The following GSDME variants were observed in gnomAD, a reference collection of about 807,000 sequenced individuals.
The protein encoded by GSDME is gasdermin-E.
GSDME carries 44 observed loss-of-function variants against 47.5 expected under a neutral mutation model. The ratio of observed to expected loss-of-function variants is 0.93; its 90% CI spans 0.73 to 1.19. The LOEUF is 1.19. Among genes scored for constraint, GSDME ranks in the 50% most tolerant of loss-of-function variants. The pLI, the probability that GSDME is intolerant of heterozygous loss-of-function variation, is 0.00. For missense variants in GSDME, 663 were observed against 604.2 expected (o/e 1.10, Z -1.02); for synonymous variants, 258 against 252.8 (o/e 1.02, Z -0.20).
At chr7:24,793,942 G>A in the GSDME span, among the ~76,000 whole-genome samples, 1 of 152,224 alleles carries the variant, frequency 6.6e-6, no homozygotes, top group Non-Finnish European at 1.5e-5. Context: ...ACTGGGTTAA[G>A]GAATTTTGAT....
At chr7:24,737,538 T>C (rs1227044333) in intron 3 of GSDME, among the ~76,000 whole-genome samples, 4 of 151,910 alleles carry the variant, frequency 2.6e-5, no homozygotes, top group Admixed American at 6.6e-5. Flanking sequence ...AACAAAAACC[T>C]GATGGCTTCA....
the GSDME span, among the ~76,000 whole-genome samples, chr7:24,791,666 A>G: frequency 6.6e-6 from 1 of 152,170 alleles, no homozygotes. This position sits in a 1 kb window ranked among gnomAD's most constrained non-coding sequence, Gnocchi z 4.8. Flanking sequence ...CTGGTTGATG[A>G]AATGCCAGGG....
At chr7:24,778,579 T>A in the GSDME span, among the ~76,000 whole-genome samples, 1,506 of 152,240 alleles carry the variant, frequency 9.9e-3, 20 homozygotes, top group African/African-American at 0.034. The surrounding 1 kb of genome is among the most constrained non-coding windows in gnomAD (Gnocchi z 5.6). Flanking sequence ...GCCCCAGGTG[T>A]TGGGTTCCAG....
At chr7:24,767,389 G>T in the GSDME span, among the ~76,000 whole-genome samples, 1 of 152,102 alleles carries the variant, frequency 6.6e-6, no homozygotes, top group Non-Finnish European at 1.5e-5. This position sits in a 1 kb window ranked among gnomAD's most constrained non-coding sequence, Gnocchi z 5.3. Flanking sequence ...AACATAATGA[G>T]CACATGTACC....
chr7:24,762,102 A>G (rs1341822264), upstream of GSDME, among the ~76,000 whole-genome samples: 2 of 152,088 alleles, frequency 1.3e-5, no homozygotes, highest in African/African-American at 4.8e-5. Context: ...AAAAATGCAA[A>G]AAATTAGCCA....
upstream of GSDME, among the ~76,000 whole-genome samples, chr7:24,760,857 T>G (rs898487407): frequency 2.0e-5 from 3 of 152,238 alleles, no homozygotes; most frequent in African/African-American, 7.2e-5. This position sits in a 1 kb window ranked among gnomAD's most constrained non-coding sequence, Gnocchi z 4.2. Context: ...TGGTCCAGAA[T>G]TAAATCTGTT....
the GSDME span, among the ~76,000 whole-genome samples, chr7:24,765,560 GT>G: frequency 6.6e-6 from 1 of 152,188 alleles, no homozygotes; most frequent in East Asian, 1.9e-4. Context: ...AACTGTTTCT[GT>G]ACGTCACTCC....
the GSDME span, among the ~76,000 whole-genome samples, chr7:24,777,228 A>T: frequency 6.6e-6 from 1 of 152,204 alleles, no homozygotes; most frequent in African/African-American, 2.4e-5. Context: ...TAATCAAGCA[A>T]CATAATTTGG....
At chr7:24,720,224 T>C (rs913365566) in intron 3 of GSDME, among the ~76,000 whole-genome samples, 6 of 152,220 alleles carry the variant, frequency 3.9e-5, no homozygotes, top group African/African-American at 7.2e-5. Flanking sequence ...TTACAGGAGA[T>C]GATTTCATGC....
At chr7:24,794,322 TCTG>T in the GSDME span, among the ~76,000 whole-genome samples, 1 of 146,910 alleles carries the variant, frequency 6.8e-6, no homozygotes, top group Non-Finnish European at 1.5e-5. Flanking sequence ...CCCTTTTCTC[TCTG>T]CTGGTCTTTC....
the GSDME span, among the ~76,000 whole-genome samples, chr7:24,775,874 CAAAA>C: frequency 7.1e-3 from 224 of 31,394 alleles, 2 homozygotes; most frequent in Middle Eastern, 0.045. Context: ...GATTCCATCT[CAAAA>C]AAAAAAAAAA....
At chr7:24,752,326 C>G (rs986764608) in intron 1 of GSDME, among the ~76,000 whole-genome samples, 2 of 152,140 alleles carry the variant, frequency 1.3e-5, no homozygotes, top group Non-Finnish European at 2.9e-5. Flanking sequence ...GCTGGGGAGG[C>G]CCCCAATCCA....
chr7:24,770,526 G>C, the GSDME span, among the ~76,000 whole-genome samples: 1 of 152,278 alleles, frequency 6.6e-6, no homozygotes, highest in Admixed American at 6.5e-5. This position sits in a 1 kb window ranked among gnomAD's most constrained non-coding sequence, Gnocchi z 4.6. Context: ...CTTGCAACTT[G>C]TAAGACTCAG....
chr7:24,765,985 G>A, the GSDME span, among the ~76,000 whole-genome samples: 1 of 152,024 alleles, frequency 6.6e-6, no homozygotes, highest in Non-Finnish European at 1.5e-5. Flanking sequence ...CTGCCTAATG[G>A]GTAAATCTGG....
chr7:24,760,113 C>G (rs1442061538), upstream of GSDME, among the ~76,000 whole-genome samples: 3 of 152,204 alleles, frequency 2.0e-5, no homozygotes, highest in Non-Finnish European at 4.4e-5. The surrounding 1 kb of genome is among the most constrained non-coding windows in gnomAD (Gnocchi z 4.2). Context: ...TAAGCAGCAT[C>G]TGCTTTCAAA....
intron 4 of GSDME, 48 bp from the exon 5 acceptor site, chr7:24,717,422 G>A (rs754707740): frequency 5.6e-6 from 9 of 1,613,510 alleles, no homozygotes; most frequent in Non-Finnish European, 7.6e-6. Flanking sequence ...GGCTCTCCAA[G>A]CTGCTCTGTT....
At position 24,742,240 on chromosome 7, in the gene GSDME, T is replaced by C. The variant is rs1790516222; in HGVS notation, c.404+2322A>G. Among the ~76,000 whole-genome samples the C allele has an allele frequency of 6.6e-6, 1 of 152,172 alleles. No homozygotes were observed. The highest frequency in any genetic ancestry group is 2.1e-4 in the South Asian group (1 of 4,822). ...ATTCTGTGCTATCATTTTAAGACTTTTACATGATTTAGAGGAAAGAACAGG... is the reference window on the plus strand; with the variant it reads ...ATTCTGTGCTATCATTTTAAGACTTCTACATGATTTAGAGGAAAGAACAGG... On this transcript the variant is annotated intron_variant, in intron 3 of 9. Coordinates refer to ENST00000645220, the MANE Select transcript of GSDME (RefSeq NM_001127453.2). This position sits in a 1 kb window ranked among gnomAD's most constrained non-coding sequence, Gnocchi z 4.4.
upstream of GSDME, among the ~76,000 whole-genome samples, chr7:24,761,380 G>A (rs951531369): frequency 2.0e-5 from 3 of 152,198 alleles, no homozygotes; most frequent in Admixed American, 2.0e-4. This position sits in a 1 kb window ranked among gnomAD's most constrained non-coding sequence, Gnocchi z 4.4. Context: ...CAGCAGATTC[G>A]ATGTCTGGTG....
rs1791006574 is a variant in GSDME, at chr7:24,756,065, A to T, written c.-20+1331T>A. Among the ~76,000 whole-genome samples the T allele has an allele frequency of 6.6e-6, 1 of 152,236 alleles. No individual in the cohort carries two copies. Among genetic ancestry groups the T allele is most frequent in the African/African-American group, 2.4e-5 (1 of 41,458 alleles). ...TCATTTTTAATGAGAAGACAAATTA[A>T]TATTTCATCATTTCTTTCTAAAATA... is the stretch of plus-strand genomic sequence containing the variant. On this transcript the variant is annotated intron_variant, in intron 1 of 9. Transcript: ENST00000645220. This position sits in a 1 kb window ranked among gnomAD's most constrained non-coding sequence, Gnocchi z 4.2.
Sources: gnomAD v4.1 joint callset for allele counts (sites outside exome capture counted in the v4.1 genomes callset) on GRCh38, gnomAD v4.1.1 for gene constraint, Gnocchi (gnomAD v3.1) non-coding constraint, MANE v1.5 for transcripts, NCBI Gene and HGNC (gene_info 2026-07-23, HGNC 2026-07-21) for gene names.